Variants in SLC35F3 observed in about 807,000 individuals in gnomAD.
SLC35F3 encodes the protein putative thiamine transporter SLC35F3.
A neutral mutation model predicts 49.9 loss-of-function variants in SLC35F3; 25 were observed. The observed-to-expected ratio is 0.50, with a 90% CI of 0.37 to 0.70. The LOEUF (loss-of-function observed/expected upper bound fraction) is 0.70, where lower values mean the gene tolerates loss of function less well. SLC35F3 is among the 30% of genes least tolerant of loss of function. The pLI, the probability that SLC35F3 is intolerant of heterozygous loss-of-function variation, is 0.00. For missense variants in SLC35F3, 525 were observed against 639.8 expected, an observed-to-expected ratio of 0.82 and a Z score of 1.94; for synonymous variants, 275 against 265.4, an observed-to-expected ratio of 1.04 and a Z score of -0.35.
At chr1:234,063,175 T>A (rs1338237374) in intron 2 of SLC35F3, among the ~76,000 whole-genome samples, 1 of 152,108 alleles carries the variant, frequency 6.6e-6, no homozygotes, top group Non-Finnish European at 1.5e-5. Flanking sequence ...GGCTGCTCTT[T>A]CTCATGGCCC....
At chr1:234,194,993 C>G (rs544762798) in intron 2 of SLC35F3, among the ~76,000 whole-genome samples, 1 of 152,198 alleles carries the variant, frequency 6.6e-6, no homozygotes, top group African/African-American at 2.4e-5. Context: ...TCAGCATCCT[C>G]CAGGCAGCTT....
At chr1:234,310,139 G>A (rs1279654772) in intron 4 of SLC35F3, among the ~76,000 whole-genome samples, 1 of 152,158 alleles carries the variant, frequency 6.6e-6, no homozygotes, top group Non-Finnish European at 1.5e-5. Flanking sequence ...TTGTGGCCAG[G>A]AGCTGTCACT....
intron 2 of SLC35F3, among the ~76,000 whole-genome samples, chr1:233,989,898 A>G (rs965766086): frequency 6.6e-6 from 1 of 152,138 alleles, no homozygotes; most frequent in Non-Finnish European, 1.5e-5. Flanking sequence ...GAAAAAAATG[A>G]TTATCGTTAT....
chr1:234,019,884 C>T (rs1161319913), intron 2 of SLC35F3, among the ~76,000 whole-genome samples: 1 of 152,192 alleles, frequency 6.6e-6, no homozygotes, highest in East Asian at 1.9e-4. Context: ...GCCTAGTTAA[C>T]ATTACAAATG....
intron 4 of SLC35F3, among the ~76,000 whole-genome samples, chr1:234,310,907 C>A (rs1657338587): frequency 6.6e-6 from 1 of 152,122 alleles, no homozygotes; most frequent in African/African-American, 2.4e-5. Flanking sequence ...ATGGATAAGA[C>A]CCCTCCAACC....
At chr1:234,037,413 C>T (rs542763964) in intron 2 of SLC35F3, among the ~76,000 whole-genome samples, 33 of 152,208 alleles carry the variant, frequency 2.2e-4, no homozygotes, top group African/African-American at 6.0e-4. Flanking sequence ...GCCACCAGGC[C>T]CCACTTCCAA....
At chr1:233,908,630 C>A (rs59420001) in intron 2 of SLC35F3, among the ~76,000 whole-genome samples, 1 of 149,880 alleles carries the variant, frequency 6.7e-6, no homozygotes. Context: ...CAACTTCCAC[C>A]TCCCGGGTTC....
At chr1:234,062,064 G>A (rs182995694) in intron 2 of SLC35F3, among the ~76,000 whole-genome samples, 1 of 152,118 alleles carries the variant, frequency 6.6e-6, no homozygotes, top group Non-Finnish European at 1.5e-5. Flanking sequence ...AGACAAAAAT[G>A]TTACCTAAAA....
chr1:234,118,459 G>A (rs528509067), intron 2 of SLC35F3, among the ~76,000 whole-genome samples: 4 of 152,194 alleles, frequency 2.6e-5, no homozygotes, highest in Non-Finnish European at 5.9e-5. Flanking sequence ...TTGCCCCAAG[G>A]CCTGTTTGCA....
rs781469880 is a variant in SLC35F3 at position 234,081,904 on chromosome 1, A to ATTTTTTT, written c.284-149487_284-149481dup. Among the ~76,000 whole-genome samples the ATTTTTTT allele has an allele frequency of 2.8e-3, 111 of 39,232 alleles. 19 individuals carry two copies. The highest frequency in any genetic ancestry group is 8.2e-3 in the East Asian group (8 of 976). The allele number at this position is 39,232 out of a possible 152,430, so 25.7% of individuals were successfully genotyped here. ...AGGCGCCTGCCACCATGCCTGGCTAATTTTTTTTTTTTTTTTTTTTTTTTT... is the reference window on the plus strand; with the variant it reads ...AGGCGCCTGCCACCATGCCTGGCTAATTTTTTTTTTTTTTTTTTTTTTTTTTTTTTTT... On this transcript the variant is annotated intron_variant, in intron 2 of 7. Transcript: ENST00000366618.
At chr1:234,148,548 C>T (rs1298645820) in intron 2 of SLC35F3, among the ~76,000 whole-genome samples, 1 of 152,134 alleles carries the variant, frequency 6.6e-6, no homozygotes, top group Non-Finnish European at 1.5e-5. Context: ...GCAGGGAGAG[C>T]CACGTCATGC....
chr1:234,206,684 G>A (rs1031668674), intron 2 of SLC35F3, among the ~76,000 whole-genome samples: 1 of 152,168 alleles, frequency 6.6e-6, no homozygotes, highest in African/African-American at 2.4e-5. Context: ...CCAGCAGGAA[G>A]CTGTAGCAAG....
At chr1:234,289,011 TCA>T (rs774412202) in intron 3 of SLC35F3, among the ~76,000 whole-genome samples, 1 of 152,084 alleles carries the variant, frequency 6.6e-6, no homozygotes, top group Non-Finnish European at 1.5e-5. Context: ...AGCATCACAC[TCA>T]CAGTAATCCA....
At chr1:233,924,312 C>G (rs1268068263) in intron 2 of SLC35F3, among the ~76,000 whole-genome samples, 1 of 152,230 alleles carries the variant, frequency 6.6e-6, no homozygotes, top group African/African-American at 2.4e-5. Context: ...ATTATTGCCT[C>G]AATTTCAGAG....
At chr1:234,224,368 CT>C (rs1558265559) in intron 2 of SLC35F3, among the ~76,000 whole-genome samples, 5 of 152,204 alleles carry the variant, frequency 3.3e-5, no homozygotes. Flanking sequence ...CTCCCAGCCT[CT>C]TTAATTTTAA....
At chr1:233,937,323 A>G (rs1034217504) in intron 2 of SLC35F3, among the ~76,000 whole-genome samples, 58 of 152,242 alleles carry the variant, frequency 3.8e-4, no homozygotes, top group Non-Finnish European at 8.8e-5. Flanking sequence ...GCTGAATGCA[A>G]ATTAAATGGA....
At chr1:233,906,024 C>T (rs1464416997) in intron 2 of SLC35F3, among the ~76,000 whole-genome samples, 1 of 152,218 alleles carries the variant, frequency 6.6e-6, no homozygotes, top group Non-Finnish European at 1.5e-5. Flanking sequence ...CTGCCAAATA[C>T]GGAGGACACT....
chr1:234,252,718 G>T (rs550489786), intron 3 of SLC35F3, among the ~76,000 whole-genome samples: 1 of 152,216 alleles, frequency 6.6e-6, no homozygotes, highest in Admixed American at 6.5e-5. Context: ...TTGATAATAT[G>T]CCATGTTAGC....
chr1:234,292,610 T>C (rs780369584), intron 3 of SLC35F3, among the ~76,000 whole-genome samples: 1 of 152,172 alleles, frequency 6.6e-6, no homozygotes, highest in Non-Finnish European at 1.5e-5. Context: ...CACCCATGGG[T>C]GTATGTCACC....
Sources: gnomAD v4.1 joint callset for allele counts (sites outside exome capture counted in the v4.1 genomes callset) on GRCh38, gnomAD v4.1.1 for gene constraint, MANE v1.5 for transcripts, NCBI Gene and HGNC (gene_info 2026-07-23, HGNC 2026-07-21) for gene names.